PDE1C: variants seen among roughly 807,000 people sequenced by gnomAD.
PDE1C encodes the protein phosphodiesterase 1C.
In PDE1C, 62 loss-of-function variants were observed where a neutral mutation model predicts 93.1. The observed-to-expected ratio is 0.67, with a 90% CI of 0.54 to 0.82. PDE1C has a LOEUF of 0.82. Among genes scored for constraint, PDE1C ranks in the 40% least tolerant of loss-of-function variants. The pLI is 0.00. For missense variants in PDE1C, 742 were observed against 884.6 expected (o/e 0.84, Z 2.04); for synonymous variants, 325 against 310.1 (o/e 1.05, Z -0.50).
rs145559515 is a variant in PDE1C, at chr7:31,754,396, A to G, written c.1961-843T>C. Among the ~76,000 whole-genome samples, 346 of 152,348 alleles carry G rather than the reference A, an allele frequency of 2.3e-3. 3 individuals carry two copies. Among genetic ancestry groups the G allele is most frequent in the African/African-American group, 8.0e-3 (334 of 41,580 alleles). The stretch of plus-strand genomic sequence containing the variant: ...ATTGTGCATCCTAGGTATTTACCCA[A>G]TTGATGGAAAATGTATGTCCACATA... On this transcript the variant is annotated intron_variant, in intron 17 of 17. Coordinates refer to ENST00000396191, the MANE Select transcript of PDE1C (RefSeq NM_001191057.4).
chr7:31,792,553 C>T (rs1318330904), intron 16 of PDE1C, among the ~76,000 whole-genome samples: 4 of 152,010 alleles, frequency 2.6e-5, no homozygotes, highest in South Asian at 4.1e-4. Flanking sequence ...TATTTACATT[C>T]CCTATGAAGA....
intron 3 of PDE1C, among the ~76,000 whole-genome samples, chr7:32,083,478 T>G (rs1796850455): frequency 6.6e-6 from 1 of 152,018 alleles, no homozygotes; most frequent in South Asian, 2.1e-4. Context: ...AGGCCAACAC[T>G]CAGATTCAGG....
chr7:31,886,319 G>A (rs779866121), intron 2 of PDE1C, among the ~76,000 whole-genome samples: 3 of 152,158 alleles, frequency 2.0e-5, no homozygotes, highest in Non-Finnish European at 4.4e-5. Flanking sequence ...CAAATGGGAT[G>A]CCCCAACATG....
intron 2 of PDE1C, among the ~76,000 whole-genome samples, chr7:32,195,820 T>C (rs968935207): frequency 2.6e-5 from 4 of 152,194 alleles, no homozygotes; most frequent in Admixed American, 1.3e-4. Context: ...TTATGCCAGA[T>C]AGAGGTAGAA....
intron 17 of PDE1C, among the ~76,000 whole-genome samples, chr7:31,766,253 G>A (rs962875869): frequency 1.3e-5 from 2 of 151,846 alleles, no homozygotes; most frequent in Admixed American, 1.3e-4. Flanking sequence ...GTGTGGTGGC[G>A]GGCGACTGTA....
At chr7:32,192,832 T>A (rs1284875236) in intron 2 of PDE1C, among the ~76,000 whole-genome samples, 2 of 152,176 alleles carry the variant, frequency 1.3e-5, no homozygotes, top group Non-Finnish European at 2.9e-5. Flanking sequence ...CATCTCCACT[T>A]ATTTAGATGT....
At chr7:32,143,009 G>C (rs1800624793) in intron 3 of PDE1C, among the ~76,000 whole-genome samples, 1 of 152,044 alleles carries the variant, frequency 6.6e-6, no homozygotes, top group Non-Finnish European at 1.5e-5. Context: ...CTCAAAAAAT[G>C]ACAGCTTTTG....
At chr7:31,969,790 C>T (rs1194942461) in intron 2 of PDE1C, among the ~76,000 whole-genome samples, 1 of 152,204 alleles carries the variant, frequency 6.6e-6, no homozygotes, top group Non-Finnish European at 1.5e-5. Flanking sequence ...GGCACATATA[C>T]ACCATGGAAT....
intron 17 of PDE1C, among the ~76,000 whole-genome samples, chr7:31,768,277 C>A (rs562823925): frequency 6.6e-6 from 1 of 152,138 alleles, no homozygotes; most frequent in Non-Finnish European, 1.5e-5. Flanking sequence ...GCTAAGAAGG[C>A]CAGTGAGTCG....
intron 11 of PDE1C, among the ~76,000 whole-genome samples, chr7:31,833,777 GAC>G (rs911620388): frequency 3.3e-5 from 5 of 152,150 alleles, no homozygotes; most frequent in African/African-American, 1.2e-4. Flanking sequence ...AAAGGGAAAC[GAC>G]ACATAAAAGT....
At chr7:32,076,643 A>C (rs1430799468) in intron 3 of PDE1C, among the ~76,000 whole-genome samples, 3 of 138,286 alleles carry the variant, frequency 2.2e-5, no homozygotes, top group African/African-American at 8.1e-5. Flanking sequence ...ACTCCATCTC[A>C]AAAAAAAAAA....
rs1219719681 is a variant in PDE1C at position 32,182,028 on chromosome 7, A to G, written c.137-12072T>C. ...CAGAGAATACTATAAACACCTCTAC[A>G]CAAATAAACTAGAAAATCTAGAAGA... On this transcript the variant is annotated intron_variant, in intron 2 of 18. Coordinates refer to the PDE1C transcript ENST00000396193. Among the ~76,000 whole-genome samples, 11 of 152,294 alleles carry G rather than the reference A, an allele frequency of 7.2e-5. No individual in the cohort carries two copies. The South Asian group carries it at 1.0e-3, about 14-fold the overall frequency.
chr7:31,923,814 AAATAAT>A (rs1393803195), intron 2 of PDE1C, among the ~76,000 whole-genome samples: 1 of 152,168 alleles, frequency 6.6e-6, no homozygotes, highest in Admixed American at 6.5e-5. Context: ...TTTCTAAATT[AAATAAT>A]AATAATAAAT....
At chr7:32,363,027 G>C (rs867933538) in intron 1 of PDE1C, among the ~76,000 whole-genome samples, 11 of 152,290 alleles carry the variant, frequency 7.2e-5, no homozygotes, top group Admixed American at 2.6e-4. Context: ...AATAACAATA[G>C]CTAGTATCAA....
At chr7:31,832,785 T>A (rs1790576354) in intron 11 of PDE1C, among the ~76,000 whole-genome samples, 1 of 152,246 alleles carries the variant, frequency 6.6e-6, no homozygotes, top group African/African-American at 2.4e-5. Flanking sequence ...CACATTTTTA[T>A]TCGAGTATAT....
chr7:32,123,711 C>T (rs1393967496), intron 3 of PDE1C, among the ~76,000 whole-genome samples: 5 of 152,006 alleles, frequency 3.3e-5, no homozygotes, highest in South Asian at 2.1e-4. Flanking sequence ...TATCTCAAAA[C>T]AATAAAAGCT....
At chr7:31,635,766 G>A in the PDE1C span, among the ~76,000 whole-genome samples, 1 of 151,858 alleles carries the variant, frequency 6.6e-6, no homozygotes, top group Non-Finnish European at 1.5e-5. Context: ...CACACATTGG[G>A]GCTTGTAAGG....
At chr7:32,378,672 GGACCCACCAACTA>G (rs1286953905) in intron 1 of PDE1C, among the ~76,000 whole-genome samples, 1 of 152,016 alleles carries the variant, frequency 6.6e-6, no homozygotes, top group Non-Finnish European at 1.5e-5. Flanking sequence ...CACTCCAACT[GGACCCACCAACTA>G]GACCCACCCC....
intron 2 of PDE1C, among the ~76,000 whole-genome samples, chr7:31,951,049 G>A (rs1053960529): frequency 1.1e-4 from 17 of 152,076 alleles, no homozygotes; most frequent in African/African-American, 3.9e-4. Flanking sequence ...ACCTTCTCAC[G>A]GTGTCCTCAA....
Sources: allele counts gnomAD v4.1 joint callset (sites outside exome capture counted in the v4.1 genomes callset), GRCh38; gene constraint gnomAD v4.1.1; transcripts MANE v1.5; gene names NCBI Gene and HGNC (gene_info 2026-07-23, HGNC 2026-07-21).